PROM1: variants seen among roughly 807,000 people sequenced by gnomAD.
The protein encoded by PROM1 is prominin 1, also known as prominin-1.
In PROM1, 105 loss-of-function variants were observed where a neutral mutation model predicts 116.9. The ratio of observed to expected loss-of-function variants is 0.90; its 90% CI spans 0.77 to 1.06. The LOEUF (loss-of-function observed/expected upper bound fraction) is 1.06, where lower values mean the gene tolerates loss of function less well. PROM1 is among the 50% of genes least tolerant of loss of function. PROM1 has a pLI of 0.00. For missense variants in PROM1, 1,122 were observed against 1,045.2 expected (o/e 1.07, Z -1.01); for synonymous variants, 393 against 387.0 (o/e 1.02, Z -0.18).
intron 2 of PROM1, among the ~76,000 whole-genome samples, chr4:16,058,421 G>A (rs1739525267): frequency 6.6e-6 from 1 of 152,170 alleles, no homozygotes; most frequent in Admixed American, 6.5e-5. Context: ...GCCAACGCAG[G>A]TGGATCACCT....
chr4:16,027,567 C>G (rs750050085), intron 5 of PROM1, among the ~76,000 whole-genome samples: 2 of 152,152 alleles, frequency 1.3e-5, no homozygotes, highest in Non-Finnish European at 2.9e-5. Context: ...TCACTGACCC[C>G]TCCACCCATC....
At chr4:16,082,984 G>A (rs1042237800) in intron 1 of PROM1, among the ~76,000 whole-genome samples, 1 of 151,898 alleles carries the variant, frequency 6.6e-6, no homozygotes, top group African/African-American at 2.4e-5. Flanking sequence ...CCCCGCGCAT[G>A]CAAGCAGAAG....
intron 2 of PROM1, among the ~76,000 whole-genome samples, chr4:16,061,652 G>T (rs1740336647): frequency 6.6e-6 from 1 of 152,126 alleles, no homozygotes; most frequent in South Asian, 2.1e-4. Context: ...CACTTATGGG[G>T]TGAATTAGTT....
At chr4:16,067,543 G>C (rs963967238) in intron 2 of PROM1, among the ~76,000 whole-genome samples, 1 of 152,232 alleles carries the variant, frequency 6.6e-6, no homozygotes, top group African/African-American at 2.4e-5. Flanking sequence ...GATGGCAGCT[G>C]TAAGTTGCCC....
At chr4:16,039,663 G>A (rs1017003441) in intron 2 of PROM1, among the ~76,000 whole-genome samples, 7 of 151,774 alleles carry the variant, frequency 4.6e-5, no homozygotes, top group Non-Finnish European at 7.4e-5. Flanking sequence ...ACTTGAACCC[G>A]GGAGGTGGAG....
chr4:15,978,248 T>A (rs1484342039), intron 26 of PROM1, among the ~76,000 whole-genome samples: 1 of 152,228 alleles, frequency 6.6e-6, no homozygotes, highest in Non-Finnish European at 1.5e-5. Flanking sequence ...GCAGCTGGAA[T>A]GCACTCAGTT....
At chr4:16,072,766 T>C (rs1408088604) in intron 2 of PROM1, among the ~76,000 whole-genome samples, 1 of 152,200 alleles carries the variant, frequency 6.6e-6, no homozygotes, top group African/African-American at 2.4e-5. Context: ...AGGGACAACA[T>C]CACTGTTGTA....
chr4:16,005,491 GTTTGGTGTGTGT>G (rs1431347556), intron 13 of PROM1, among the ~76,000 whole-genome samples: 14 of 125,130 alleles, frequency 1.1e-4, no homozygotes, highest in Non-Finnish European at 2.3e-4. Flanking sequence ...TTTTTTGTTT[GTTTGGTGTGTGT>G]GTGTGTGTGT....
chr4:15,975,753 A>C, intron 26 of PROM1, among the ~76,000 whole-genome samples: 1 of 152,182 alleles, frequency 6.6e-6, no homozygotes, highest in East Asian at 1.9e-4. Context: ...ATGATTCTTC[A>C]CTGACTGCCT....
Position 15,978,676 on chromosome 4 carries a change from G to T in PROM1, c.2582+719C>A, listed in dbSNP as rs1209373720. ...AGCGGGCTCGGGGGAGCACTGGCGGGCCAGCTGTATGGGCGTGGGAAGGAT... is the reference window on the plus strand; with the variant it reads ...AGCGGGCTCGGGGGAGCACTGGCGGTCCAGCTGTATGGGCGTGGGAAGGAT... On this transcript the variant is annotated intron_variant, in intron 26 of 27. Coordinates refer to ENST00000447510, the MANE Select transcript of PROM1 (RefSeq NM_006017.3). Among the ~76,000 whole-genome samples, 4 of 152,220 alleles carry T rather than the reference G, an allele frequency of 2.6e-5. No individual in the cohort carries two copies. The East Asian group carries it at 7.7e-4, about 29-fold the overall frequency.
intron 25 of PROM1, 90 bp downstream of exon 25, chr4:15,979,791 T>C: frequency 8.6e-7 from 1 of 1,161,878 alleles, no homozygotes; most frequent in Non-Finnish European, 1.2e-6. Context: ...AATTTTAAGA[T>C]GTTAATAACT....
intron 26 of PROM1, among the ~76,000 whole-genome samples, chr4:15,972,793 C>G (rs1048790156): frequency 2.0e-5 from 3 of 152,180 alleles, no homozygotes; most frequent in Non-Finnish European, 2.9e-5. Context: ...ACATCTGAGA[C>G]TCTCCTGTCT....
chr4:16,069,209 T>C (rs925537540), intron 2 of PROM1, among the ~76,000 whole-genome samples: 2 of 152,160 alleles, frequency 1.3e-5, no homozygotes, highest in African/African-American at 4.8e-5. Context: ...CACTCCAGTA[T>C]GGGCAACAAA....
intron 2 of PROM1, among the ~76,000 whole-genome samples, chr4:16,041,515 C>T (rs1430295515): frequency 2.0e-5 from 3 of 152,030 alleles, no homozygotes; most frequent in Non-Finnish European, 4.4e-5. Flanking sequence ...CAGTGGCTCA[C>T]ACCTGTCATC....
chr4:16,009,876 A>G (rs1726450491), intron 11 of PROM1, among the ~76,000 whole-genome samples: 1 of 146,052 alleles, frequency 6.8e-6, no homozygotes, highest in Admixed American at 7.2e-5. Flanking sequence ...GGTTTCAGTG[A>G]GCCAAGATTG....
chr4:15,998,355 T>C (rs769419563), intron 15 of PROM1, 30 bp downstream of exon 15: 2 of 1,537,386 alleles, frequency 1.3e-6, no homozygotes, highest in Non-Finnish European at 1.7e-6. Flanking sequence ...ACATCTTAAA[T>C]AGCGAAATGT....
intron 2 of PROM1, among the ~76,000 whole-genome samples, chr4:16,049,022 C>T (rs1260418614): frequency 1.3e-5 from 2 of 152,182 alleles, no homozygotes; most frequent in Admixed American, 6.5e-5. Context: ...GATGATGGGG[C>T]GGCTGGGCTG....
At chr4:15,996,907 G>A (rs1722461124) in intron 15 of PROM1, among the ~76,000 whole-genome samples, 1 of 152,108 alleles carries the variant, frequency 6.6e-6, no homozygotes, top group African/African-American at 2.4e-5. Flanking sequence ...CTCTCAATGT[G>A]AGTCACTATC....
intron 2 of PROM1, among the ~76,000 whole-genome samples, chr4:16,056,650 T>C (rs1361133509): frequency 1.4e-5 from 2 of 142,356 alleles, no homozygotes; most frequent in African/African-American, 5.2e-5. Flanking sequence ...AAACAAGCCA[T>C]GAAAAAAAAA....
Sources: gnomAD v4.1 joint callset for allele counts (sites outside exome capture counted in the v4.1 genomes callset) on GRCh38, gnomAD v4.1.1 for gene constraint, MANE v1.5 for transcripts, NCBI Gene and HGNC (gene_info 2026-07-23, HGNC 2026-07-21) for gene names.